Variants in ZNF385B observed in about 807,000 individuals in gnomAD.
ZNF385B encodes the protein zinc finger protein 533.
A neutral mutation model predicts 39.2 loss-of-function variants in ZNF385B; 23 were observed. That is an observed-to-expected ratio of 0.59 (90% CI 0.42 to 0.83). ZNF385B has a LOEUF of 0.83. Ranked by LOEUF, ZNF385B falls within the 40% of genes least tolerant of loss-of-function variation. The pLI is 0.00. For missense variants in ZNF385B, 552 were observed against 598.9 expected (o/e 0.92, Z 0.82); for synonymous variants, 205 against 222.6 (o/e 0.92, Z 0.70).
intron 3 of ZNF385B, among the ~76,000 whole-genome samples, chr2:179,721,183 A>G (rs1330886465): frequency 6.6e-6 from 1 of 152,074 alleles, no homozygotes; most frequent in Non-Finnish European, 1.5e-5. Flanking sequence ...ACACAAATCA[A>G]CAATGTTAGC....
intron 1 of ZNF385B, among the ~76,000 whole-genome samples, chr2:179,811,878 A>G (rs1170831868): frequency 6.6e-6 from 1 of 152,154 alleles, no homozygotes; most frequent in Non-Finnish European, 1.5e-5. Flanking sequence ...TACAAAAGGG[A>G]AGAACTTATT....
In ZNF385B at chr2:179,445,035, G is replaced by T; in HGVS notation, c.1141-58C>A. 2.8e-6 allele frequency: 4 copies of T among 1,440,900 alleles called. No homozygotes were observed. The South Asian group carries it at 3.4e-5, about 12-fold the overall frequency. 89.3% of individuals were successfully genotyped at this position (1,440,900 alleles called of 1,614,324 possible). On this transcript the variant is annotated intron_variant, in intron 8 of 9. Transcript: ENST00000410066. ...ATGTGAGTCTTATTCCATGTAAAAC[G>T]TATTTCTAGGTAGCTATTTTCTCCA...
At chr2:179,816,509 C>G (rs1316607049) in intron 1 of ZNF385B, among the ~76,000 whole-genome samples, 4 of 152,164 alleles carry the variant, frequency 2.6e-5, no homozygotes, top group African/African-American at 9.6e-5. Context: ...GAGTAAAAAT[C>G]AAAGTCTTTA....
At chr2:179,669,014 T>C (rs1695552208) in intron 3 of ZNF385B, among the ~76,000 whole-genome samples, 1 of 152,230 alleles carries the variant, frequency 6.6e-6, no homozygotes, top group Non-Finnish European at 1.5e-5. Context: ...TAAATGGCTG[T>C]ATGTTACAAA....
At chr2:179,670,494 C>CAAAAAAAAACAA (rs11464930) in intron 3 of ZNF385B, among the ~76,000 whole-genome samples, 1 of 147,576 alleles carries the variant, frequency 6.8e-6, no homozygotes, top group African/African-American at 2.5e-5. Flanking sequence ...CAAAAACAAA[C>CAAAAAAAAACAA]AAAAAAAAAT....
Position 179,792,370 on chromosome 2 carries a change from C to CT in ZNF385B, c.-154-21699dup, listed in dbSNP as rs1346808450. Reference sequence around the variant, plus strand: ...CTGAAGAAGTAGGCCATTTCATTTTCTTTTCTTTTTTTTTTTTTTTTGAGA... The same window carrying CT: ...CTGAAGAAGTAGGCCATTTCATTTTCTTTTTCTTTTTTTTTTTTTTTTGAGA... On this transcript the variant is annotated intron_variant, in intron 1 of 9. Transcript: ENST00000410066. Among the ~76,000 whole-genome samples the CT allele has an allele frequency of 5.5e-4, 39 of 70,712 alleles. 1 individual carries two copies. Among genetic ancestry groups the CT allele is most frequent in the South Asian group, 4.2e-3 (7 of 1,662 alleles). 46.4% of individuals were successfully genotyped at this position (70,712 alleles called of 152,430 possible). A position where few individuals can be genotyped will look rare whatever the true frequency, so the allele number is the denominator to read the frequency against.
intron 3 of ZNF385B, among the ~76,000 whole-genome samples, chr2:179,699,423 A>C (rs1559104289): frequency 6.6e-6 from 1 of 152,230 alleles, no homozygotes; most frequent in Non-Finnish European, 1.5e-5. Context: ...TAACATAGTC[A>C]TTTGTTGAAA....
chr2:179,568,379 C>A (rs1005763223), intron 3 of ZNF385B, among the ~76,000 whole-genome samples: 3 of 152,194 alleles, frequency 2.0e-5, no homozygotes, highest in African/African-American at 7.2e-5. Context: ...AAAATATAAT[C>A]TCCACAGGGA....
At chr2:179,580,226 T>G (rs1235564874) in intron 3 of ZNF385B, among the ~76,000 whole-genome samples, 1 of 152,190 alleles carries the variant, frequency 6.6e-6, no homozygotes, top group Non-Finnish European at 1.5e-5. Flanking sequence ...TATCACATTT[T>G]AATTTCTTAA....
chr2:179,507,707 C>T (rs2057353787), intron 5 of ZNF385B, among the ~76,000 whole-genome samples: 1 of 152,188 alleles, frequency 6.6e-6, no homozygotes, highest in African/African-American at 2.4e-5. Flanking sequence ...CTCTCTTCTC[C>T]TAACTCCCTG....
At chr2:179,596,263 A>T (rs1343799811) in intron 3 of ZNF385B, among the ~76,000 whole-genome samples, 1 of 152,128 alleles carries the variant, frequency 6.6e-6, no homozygotes, top group Non-Finnish European at 1.5e-5. Context: ...TTTCCCCTGG[A>T]CTACTGGTTC....
rs189202658 is a variant in ZNF385B at position 179,532,479 on chromosome 2, C to A, written c.441+12348G>T. Reference sequence around the variant, plus strand: ...TTGTCATGAAACATGTCAAGTGTCTCCGTAACATTCACAAAAAGGCTGTTA... The same window carrying A: ...TTGTCATGAAACATGTCAAGTGTCTACGTAACATTCACAAAAAGGCTGTTA... On this transcript the variant is annotated intron_variant, in intron 4 of 9. Transcript: ENST00000410066. Among the ~76,000 whole-genome samples, 550 of 152,234 alleles carry A rather than the reference C, an allele frequency of 3.6e-3. 7 individuals are homozygous for A. Among genetic ancestry groups the A allele is most frequent in the African/African-American group, 0.013 (521 of 41,560 alleles).
intron 1 of ZNF385B, among the ~76,000 whole-genome samples, chr2:179,827,225 C>T (rs182809063): frequency 1.3e-4 from 20 of 152,146 alleles, no homozygotes; most frequent in East Asian, 9.7e-4. Flanking sequence ...AACCAATGTC[C>T]GAGGAGCTGC....
At chr2:179,780,262 C>A (rs967358792) in intron 1 of ZNF385B, among the ~76,000 whole-genome samples, 1 of 152,154 alleles carries the variant, frequency 6.6e-6, no homozygotes, top group Non-Finnish European at 1.5e-5. Flanking sequence ...GTCTCCTTAG[C>A]CCCTAGAAAA....
chr2:179,682,126 A>G (rs1316252343), intron 3 of ZNF385B, among the ~76,000 whole-genome samples: 1 of 152,208 alleles, frequency 6.6e-6, no homozygotes, highest in Non-Finnish European at 1.5e-5. Context: ...ATAATTTTCA[A>G]TACATGACAG....
intron 3 of ZNF385B, among the ~76,000 whole-genome samples, chr2:179,576,687 G>A (rs1216943403): frequency 2.0e-5 from 3 of 152,158 alleles, no homozygotes; most frequent in African/African-American, 7.2e-5. Flanking sequence ...ATTTGAACAT[G>A]ATTCATAAAT....
chr2:179,483,801 C>G (rs549882789), intron 5 of ZNF385B, among the ~76,000 whole-genome samples: 12 of 152,282 alleles, frequency 7.9e-5, no homozygotes, highest in South Asian at 4.1e-4. Context: ...CCTACCCATG[C>G]CTGTGGGTAT....
chr2:179,622,288 G>C (rs1046568905), intron 3 of ZNF385B, among the ~76,000 whole-genome samples: 7 of 152,158 alleles, frequency 4.6e-5, no homozygotes, highest in African/African-American at 1.2e-4. Context: ...GTCATTCTCA[G>C]ATGTATCATC....
chr2:179,784,449 T>A (rs1005062927), intron 1 of ZNF385B, among the ~76,000 whole-genome samples: 1 of 151,998 alleles, frequency 6.6e-6, no homozygotes, highest in Non-Finnish European at 1.5e-5. Context: ...TACTTTCACA[T>A]GTACCCTCGA....
Sources: allele counts gnomAD v4.1 joint callset (sites outside exome capture counted in the v4.1 genomes callset), GRCh38; gene constraint gnomAD v4.1.1; transcripts MANE v1.5; gene names NCBI Gene and HGNC (gene_info 2026-07-23, HGNC 2026-07-21).